SORCS3: variants seen among roughly 807,000 people sequenced by gnomAD.
SORCS3 encodes VPS10 domain-containing receptor SorCS3.
A neutral mutation model predicts 146.3 loss-of-function variants in SORCS3; 57 were observed. The observed-to-expected ratio is 0.39, with a 90% CI of 0.31 to 0.49. The LOEUF is 0.49. Ranked by LOEUF, SORCS3 falls within the 20% of genes least tolerant of loss-of-function variation. The pLI, the probability that SORCS3 is intolerant of heterozygous loss-of-function variation, is 0.92. For missense variants in SORCS3, 1,341 were observed against 1,575.5 expected, an observed-to-expected ratio of 0.85 and a Z score of 2.52; for synonymous variants, 653 against 618.5, an observed-to-expected ratio of 1.06 and a Z score of -0.83.
At chr10:104,925,296 T>C (rs1260572808) in intron 3 of SORCS3, among the ~76,000 whole-genome samples, 1 of 152,250 alleles carries the variant, frequency 6.6e-6, no homozygotes, top group Non-Finnish European at 1.5e-5. Flanking sequence ...TTTCTCTTTT[T>C]TAAGAAAAGT....
chr10:105,242,859 A>G (rs1296743334), intron 20 of SORCS3, among the ~76,000 whole-genome samples: 2 of 104,528 alleles, frequency 1.9e-5, no homozygotes, highest in Non-Finnish European at 3.5e-5. Flanking sequence ...TATAAATTAT[A>G]TATATATTTT....
chr10:104,680,518 A>C (rs899417315), intron 1 of SORCS3, among the ~76,000 whole-genome samples: 2 of 152,194 alleles, frequency 1.3e-5, no homozygotes, highest in Admixed American at 6.5e-5. Flanking sequence ...CATGGGTTCA[A>C]ATCCCAGCGC....
intron 13 of SORCS3, among the ~76,000 whole-genome samples, chr10:105,169,958 C>T (rs1034428633): frequency 1.3e-5 from 2 of 152,136 alleles, no homozygotes; most frequent in Non-Finnish European, 2.9e-5. Context: ...GCAACCGACC[C>T]TTAAACTTGG....
chr10:104,928,820 G>C (rs1456424080), intron 3 of SORCS3, among the ~76,000 whole-genome samples: 2 of 152,188 alleles, frequency 1.3e-5, no homozygotes, highest in Non-Finnish European at 2.9e-5. Context: ...TGAAGGCCTT[G>C]GTCAGTGCTG....
At position 104,641,676 on chromosome 10, in the gene SORCS3, C is replaced by T; in HGVS notation, c.349C>T (p.Arg117Trp). 2 of 1,526,962 alleles carry T rather than the reference C, an allele frequency of 1.3e-6. No individual in the cohort carries two copies. The highest frequency in any genetic ancestry group is 1.8e-6 in the Non-Finnish European group (2 of 1,140,830). 94.6% of individuals were successfully genotyped at this position (1,526,962 alleles called of 1,614,324 possible). A position where few individuals can be genotyped will look rare whatever the true frequency, so the allele number is the denominator to read the frequency against. Residue 117 changes from arginine to tryptophan, a missense_variant, in exon 1 of 27, where the codon CGG becomes TGG. Transcript: ENST00000369701. This position sits in a 1 kb window ranked among gnomAD's most constrained non-coding sequence, Gnocchi z 6.4. ...ATCACCGGCAGGCGAGCGGCGGGGC[C>T]GGGGCATCCCAGCTCCTGCCAAGCT... ...GTSPAGERRG[R>W]GIPAPAKLGG... is the part of the protein sequence containing the mutation.
intron 2 of SORCS3, among the ~76,000 whole-genome samples, chr10:104,846,258 G>A (rs11192203): frequency 0.098 from 14,866 of 152,090 alleles, 920 homozygotes; most frequent in South Asian, 0.24. Flanking sequence ...ACTTTTTACT[G>A]TCTTTCTCAC....
intron 14 of SORCS3, among the ~76,000 whole-genome samples, chr10:105,187,709 C>A (rs757467224): frequency 2.0e-5 from 3 of 152,144 alleles, no homozygotes; most frequent in Non-Finnish European, 4.4e-5. Flanking sequence ...ATTCGGGAGT[C>A]CACATGAATC....
chr10:104,915,719 T>C, intron 2 of SORCS3, 114 bp from the exon 3 acceptor site: 1 of 818,454 alleles, frequency 1.2e-6, no homozygotes, highest in Non-Finnish European at 2.1e-6. Flanking sequence ...GAAGCACTCA[T>C]ATGATTCGGG....
intron 7 of SORCS3, among the ~76,000 whole-genome samples, chr10:105,110,204 C>T (rs2055850371): frequency 6.6e-6 from 1 of 150,598 alleles, no homozygotes; most frequent in Admixed American, 6.6e-5. Flanking sequence ...CTGAGCTTTG[C>T]CAGTTTATAT....
chr10:104,815,579 A>G (rs1014018092), intron 1 of SORCS3, among the ~76,000 whole-genome samples: 1 of 152,098 alleles, frequency 6.6e-6, no homozygotes, highest in African/African-American at 2.4e-5. Context: ...ATTCAAAAAT[A>G]TTATTCTATC....
At chr10:105,123,752 G>T (rs2055952748) in intron 7 of SORCS3, among the ~76,000 whole-genome samples, 1 of 152,086 alleles carries the variant, frequency 6.6e-6, no homozygotes, top group Non-Finnish European at 1.5e-5. Flanking sequence ...TAATAGGAGG[G>T]AGGGCACTTC....
At chr10:105,085,362 C>T (rs1488163963) in intron 5 of SORCS3, among the ~76,000 whole-genome samples, 1 of 152,200 alleles carries the variant, frequency 6.6e-6, no homozygotes, top group African/African-American at 2.4e-5. Flanking sequence ...TTCCTACCCT[C>T]AGCAGCCAAG....
At chr10:105,234,679 T>A (rs2056783193) in intron 20 of SORCS3, among the ~76,000 whole-genome samples, 2 of 152,088 alleles carry the variant, frequency 1.3e-5, no homozygotes, top group Non-Finnish European at 2.9e-5. Context: ...CATTTTTAAA[T>A]TTCAGGTACA....
chr10:104,799,926 T>A (rs1008662790), intron 1 of SORCS3, among the ~76,000 whole-genome samples: 2 of 152,070 alleles, frequency 1.3e-5, no homozygotes, highest in African/African-American at 4.8e-5. Context: ...TCTGCCCGCC[T>A]CAGCCTCTCA....
chr10:104,724,874 C>T (rs923002703), intron 1 of SORCS3, among the ~76,000 whole-genome samples: 2 of 152,092 alleles, frequency 1.3e-5, no homozygotes, highest in East Asian at 1.9e-4. Context: ...GTTAGCCATT[C>T]GTCTAATTTT....
At chr10:105,022,880 C>A (rs1234653671) in intron 4 of SORCS3, among the ~76,000 whole-genome samples, 1 of 151,986 alleles carries the variant, frequency 6.6e-6, no homozygotes, top group Non-Finnish European at 1.5e-5. Context: ...TTTAAAACAG[C>A]ACTAAGGTGC....
At chr10:105,247,399 A>G (rs1190952907) in intron 22 of SORCS3, 68 bp downstream of exon 22, 3 of 805,750 alleles carry the variant, frequency 3.7e-6, no homozygotes, top group African/African-American at 1.7e-5. Context: ...GTGGTCCACA[A>G]TACATTGGCA....
At chr10:105,025,698 T>C (rs1181643875) in intron 4 of SORCS3, among the ~76,000 whole-genome samples, 1 of 152,098 alleles carries the variant, frequency 6.6e-6, no homozygotes, top group Non-Finnish European at 1.5e-5. Flanking sequence ...TTTCCCCAAA[T>C]AGACTTCAGG....
rs2056923337 is a variant in SORCS3 at position 105,255,137 on chromosome 10, C to T, written c.3238-565C>T. 2.1e-5 allele frequency among the ~76,000 whole-genome samples: 3 copies of T among 140,030 alleles called. No homozygotes were observed. In the South Asian group the frequency reaches 6.8e-4, roughly 32 times the overall value. 91.9% of individuals were successfully genotyped at this position (140,030 alleles called of 152,430 possible). On this transcript the variant is annotated intron_variant, in intron 23 of 26. Coordinates refer to ENST00000369701, the MANE Select transcript of SORCS3 (RefSeq NM_014978.3). Reference sequence around the variant, plus strand: ...CGGGGGGGCGGAGCCTGCGGTGAGCCGAGATCGCGCCACTGCACTCCAACC... The same window carrying T: ...CGGGGGGGCGGAGCCTGCGGTGAGCTGAGATCGCGCCACTGCACTCCAACC...
Sources: gnomAD v4.1 joint callset for allele counts (sites outside exome capture counted in the v4.1 genomes callset) on GRCh38, gnomAD v4.1.1 for gene constraint, Gnocchi (gnomAD v3.1) non-coding constraint, MANE v1.5 for transcripts, NCBI Gene and HGNC (gene_info 2026-07-23, HGNC 2026-07-21) for gene names.